SLC44A5: variants seen among roughly 807,000 people sequenced by gnomAD.
SLC44A5 encodes the protein solute carrier family 44 member 5, also known as choline transporter-like protein 5.
In SLC44A5, 57 loss-of-function variants were observed where a neutral mutation model predicts 101.8. The ratio of observed to expected loss-of-function variants is 0.56; its 90% CI spans 0.45 to 0.70. The LOEUF is 0.70. SLC44A5 is among the 30% of genes least tolerant of loss of function. The probability of loss-of-function intolerance (pLI) is 0.00; values close to 1 mark genes in which losing one functional copy is unlikely to be tolerated. For missense variants in SLC44A5, 737 were observed against 853.1 expected (o/e 0.86, Z 1.70); for synonymous variants, 281 against 290.9 (o/e 0.97, Z 0.35).
chr1:75,267,721 A>T (rs1242011193), intron 6 of SLC44A5, among the ~76,000 whole-genome samples: 2 of 151,884 alleles, frequency 1.3e-5, no homozygotes, highest in East Asian at 1.9e-4. Context: ...CTAATTTTTT[A>T]AAATTTTTTT....
At chr1:75,385,012 G>A (rs1239365148) in intron 3 of SLC44A5, among the ~76,000 whole-genome samples, 5 of 152,050 alleles carry the variant, frequency 3.3e-5, no homozygotes, top group Admixed American at 6.6e-5. Flanking sequence ...AAACCAATGA[G>A]AACAAAGACA....
intron 2 of SLC44A5, among the ~76,000 whole-genome samples, chr1:75,531,205 G>A (rs1363790904): frequency 6.6e-6 from 1 of 152,178 alleles, no homozygotes; most frequent in East Asian, 1.9e-4. Flanking sequence ...TTTAAAGCCT[G>A]TCCATAAATA....
At chr1:75,307,108 A>G (rs1408353714) in intron 4 of SLC44A5, among the ~76,000 whole-genome samples, 1 of 152,110 alleles carries the variant, frequency 6.6e-6, no homozygotes, top group East Asian at 1.9e-4. Context: ...AATATCAAGC[A>G]TTAGAGTGAG....
At chr1:75,458,135 A>T (rs1338541416) in intron 2 of SLC44A5, among the ~76,000 whole-genome samples, 3 of 152,242 alleles carry the variant, frequency 2.0e-5, no homozygotes, top group African/African-American at 7.2e-5. Flanking sequence ...GCCAAGCCTT[A>T]AAGAATGAGA....
the SLC44A5 span, among the ~76,000 whole-genome samples, chr1:75,672,351 T>C: frequency 3.3e-5 from 5 of 151,846 alleles, no homozygotes; most frequent in Non-Finnish European, 7.4e-5. Flanking sequence ...ACTGTCACAG[T>C]GGAAAGCAAC....
At chr1:75,614,453 G>T (rs771215699), upstream of SLC44A5, among the ~76,000 whole-genome samples, 1 of 152,156 alleles carries the variant, frequency 6.6e-6, no homozygotes, top group Non-Finnish European at 1.5e-5. Context: ...AAGAATTAAG[G>T]ATCATGATTT....
chr1:75,668,344 T>A, the SLC44A5 span, among the ~76,000 whole-genome samples: 1 of 119,386 alleles, frequency 8.4e-6, no homozygotes, highest in African/African-American at 3.7e-5. Flanking sequence ...TTTTTTTTGG[T>A]AAATAAGATC....
intron 6 of SLC44A5, among the ~76,000 whole-genome samples, chr1:75,265,713 T>C (rs1007825685): frequency 2.0e-5 from 3 of 152,190 alleles, no homozygotes; most frequent in Admixed American, 2.0e-4. Context: ...TACATATCAG[T>C]TTTAAAAAAT....
At chr1:75,275,159 G>A (rs933575060) in intron 5 of SLC44A5, 117 bp from the exon 6 acceptor site, 1 of 670,886 alleles carries the variant, frequency 1.5e-6, no homozygotes, top group Non-Finnish European at 2.6e-6. Flanking sequence ...AGTCACAGAA[G>A]ATTATTGATT....
rs144232619 is a variant in SLC44A5 at position 75,300,363 on chromosome 1, C to G, written c.175+249G>C. 1.9e-3 allele frequency among the ~76,000 whole-genome samples: 285 copies of G among 152,180 alleles called. 1 individual carries two copies. Among genetic ancestry groups the G allele is most frequent in the African/African-American group, 6.6e-3 (274 of 41,532 alleles). On this transcript the variant is annotated intron_variant, in intron 5 of 23. Transcript: ENST00000370859. ...ACAATGATTAAAAAGAAACCACAAA[C>G]TTTTCTCTTTCTGCTTTATAATTGT...
intron 1 of SLC44A5, among the ~76,000 whole-genome samples, chr1:75,557,216 A>G (rs1035166163): frequency 7.2e-5 from 11 of 152,278 alleles, no homozygotes; most frequent in African/African-American, 2.6e-4. Context: ...ATACGAATAA[A>G]GTTCTCCATA....
At chr1:75,407,538 G>A (rs193253646) in intron 2 of SLC44A5, among the ~76,000 whole-genome samples, 7 of 152,162 alleles carry the variant, frequency 4.6e-5, no homozygotes, top group Admixed American at 2.6e-4. Context: ...ACAGAACAGA[G>A]GTCTCAGAAA....
chr1:75,592,961 C>T (rs1674433211), intron 1 of SLC44A5, among the ~76,000 whole-genome samples: 1 of 152,060 alleles, frequency 6.6e-6, no homozygotes, highest in Admixed American at 6.6e-5. Context: ...ATCCCACAAG[C>T]ACAAGCAACC....
chr1:75,482,291 G>A (rs952260021), intron 2 of SLC44A5, among the ~76,000 whole-genome samples: 2 of 151,650 alleles, frequency 1.3e-5, no homozygotes, highest in African/African-American at 2.4e-5. Flanking sequence ...GACGGGGGAG[G>A]GATAGCATTA....
the SLC44A5 span, among the ~76,000 whole-genome samples, chr1:75,663,004 A>T: frequency 1.3e-5 from 2 of 152,162 alleles, no homozygotes; most frequent in African/African-American, 4.8e-5. Context: ...ATTAGTTCCC[A>T]AAGTAATACA....
the SLC44A5 span, among the ~76,000 whole-genome samples, chr1:75,674,201 A>T: frequency 6.6e-6 from 1 of 152,178 alleles, no homozygotes; most frequent in Non-Finnish European, 1.5e-5. Context: ...TATCAGAAAA[A>T]TTTAACAAAG....
chr1:75,330,581 T>C (rs200559458), intron 4 of SLC44A5, among the ~76,000 whole-genome samples: 5 of 152,164 alleles, frequency 3.3e-5, no homozygotes, highest in East Asian at 3.8e-4. Flanking sequence ...CTTCTTTATC[T>C]TGTGTCATCA....
At chr1:75,420,525 A>C (rs997023896) in intron 2 of SLC44A5, among the ~76,000 whole-genome samples, 5 of 152,178 alleles carry the variant, frequency 3.3e-5, no homozygotes, top group Non-Finnish European at 2.9e-5. Flanking sequence ...AGAGCTTGTA[A>C]ATTTACATAA....
At chr1:75,470,553 T>C (rs1475361067) in intron 2 of SLC44A5, among the ~76,000 whole-genome samples, 10 of 152,130 alleles carry the variant, frequency 6.6e-5, no homozygotes, top group Non-Finnish European at 1.2e-4. Flanking sequence ...GAAGGTATAA[T>C]GGAAGCACGC....
Sources: gnomAD v4.1 joint callset for allele counts (sites outside exome capture counted in the v4.1 genomes callset) on GRCh38, gnomAD v4.1.1 for gene constraint, MANE v1.5 for transcripts, NCBI Gene and HGNC (gene_info 2026-07-23, HGNC 2026-07-21) for gene names.